Variants in PRAM1 observed in about 807,000 individuals in gnomAD.
The protein encoded by PRAM1 is PML-RARA-regulated adapter molecule 1.
A neutral mutation model predicts 55.3 loss-of-function variants in PRAM1; 41 were observed. The observed-to-expected ratio is 0.74, with a 90% CI of 0.58 to 0.96. The LOEUF is 0.96. Ranked by LOEUF, PRAM1 falls within the 40% of genes least tolerant of loss-of-function variation. The probability of loss-of-function intolerance (pLI) is 0.00; values close to 1 mark genes in which losing one functional copy is unlikely to be tolerated. For missense variants in PRAM1, 898 were observed against 892.7 expected, an observed-to-expected ratio of 1.01 and a Z score of -0.08; for synonymous variants, 401 against 387.1, an observed-to-expected ratio of 1.04 and a Z score of -0.42.
chr19:8,498,584 A>G lies in PRAM1; in HGVS notation c.1224T>C (p.Pro408=). Residue 408 remains proline, a synonymous_variant, in exon 2 of 10, where the codon CCT becomes CCC. Transcript: ENST00000423345. ...GGGGTGTCCCAGCCGCTCCAAACCC[A>G]GGGCTGAGCGGGTGCCGGGAGCTGA... is the stretch of plus-strand genomic sequence containing the variant. ...AGFSSRHPLS[P]GFGAAGTPRW... 1 of 1,612,628 alleles carries G rather than the reference A, an allele frequency of 6.2e-7. No individual in the cohort carries two copies. The highest frequency in any genetic ancestry group is 1.7e-5 in the Admixed American group (1 of 59,990).
Position 8,499,093 on chromosome 19 carries a change from T to G in PRAM1, c.715A>C (p.Lys239Gln). 1.9e-6 allele frequency: 3 copies of G among 1,613,630 alleles called. No homozygotes were observed. The East Asian group carries it at 6.7e-5, about 36-fold the overall frequency. Residue 239 changes from lysine to glutamine, a missense_variant, in exon 2 of 10, where the codon AAG (lysine) becomes CAG (glutamine). Around this residue, in one of 4 missense-constraint regions of PRAM1, gnomAD observed 787 missense variants for 735.4 expected, o/e 1.07. Transcript: ENST00000423345. ...PQPQVGGLPK[K>Q]SVPQPEFSEA... ...CTGAACTCAGGCTGCGGCACGGACT[T>G]CTTAGGGAGGCCACCGACCTGAGGC... is the stretch of plus-strand genomic sequence containing the variant.
In PRAM1 at chr19:8,490,640, C is replaced by T. The variant is rs760586369; in HGVS notation, c.1860G>A (p.Glu620=). The part of the protein sequence containing the change: ...IRRGEILEVI[E]FTSNEEMLCR... ...ACAGCATCTCCTCATTGCTGGTGAA[C>T]TCGATCACCTCCAGGATCTCCCCGC... Residue 620 remains glutamate (E), a synonymous_variant, in exon 7 of 10, where the codon GAG becomes GAA. Transcript: ENST00000423345. This position sits in a 1 kb window ranked among gnomAD's most constrained non-coding sequence, Gnocchi z 7.3. 1.9e-6 allele frequency: 3 copies of T among 1,586,396 alleles called. No homozygotes were observed. The highest frequency in any genetic ancestry group is 2.3e-5 in the South Asian group (2 of 88,010).
rs761241739 is a variant in PRAM1, at chr19:8,490,468, GCACT to G, written c.1940+4_1940+7del. On this transcript the variant is annotated splice_donor_5th_base_variant and intron_variant, in intron 8 of 9. Transcript: ENST00000423345. The surrounding 1 kb of genome is among the most constrained non-coding windows in gnomAD (Gnocchi z 7.3). ...CACTCCCCCACCACGGTCAGGGCTG[GCACT>G]CACAGGGGCAGGAGCGCTGTTCTGG... is the stretch of plus-strand genomic sequence containing the variant. The G allele has an allele frequency of 2.3e-5, 37 of 1,612,830 alleles. No individual in the cohort carries two copies. In the East Asian group the frequency reaches 2.5e-4, roughly 11 times the overall value.
rs1198254709 is a variant in PRAM1, at chr19:8,493,661, A to G, written c.1577-2504T>C. The stretch of plus-strand genomic sequence containing the variant: ...CTGCAGTGGAGCTGCCACTGCTCCA[A>G]GTAAGGCAGACAGTGGGAAAGGGGA... On this transcript the variant is annotated intron_variant, in intron 4 of 9. Transcript: ENST00000423345. This position sits in a 1 kb window ranked among gnomAD's most constrained non-coding sequence, Gnocchi z 4.1. 6.6e-6 allele frequency among the ~76,000 whole-genome samples: 1 copy of G among 152,238 alleles called. No homozygotes were observed. Among genetic ancestry groups the G allele is most frequent in the Non-Finnish European group, 1.5e-5 (1 of 68,038 alleles).
chr19:8,497,870 C>CTTTTTTTTTT (rs58671333), intron 3 of PRAM1, 30 bp from the exon 4 acceptor site: 19 of 359,064 alleles, frequency 5.3e-5, no homozygotes, highest in Admixed American at 1.4e-4. Context: ...GAGGCCTCTT[C>CTTTTTTTTTT]TTTTTTTTTT....
chr19:8,496,823 G>C (rs1433608603), intron 4 of PRAM1, among the ~76,000 whole-genome samples: 1 of 151,964 alleles, frequency 6.6e-6, no homozygotes, highest in Non-Finnish European at 1.5e-5. Context: ...GGATCACGAG[G>C]TCAGGAGATC....
At position 8,498,745 on chromosome 19, in the gene PRAM1, G is replaced by C. The variant is rs200997771; in HGVS notation, c.1063C>G (p.Arg355Gly). The change falls in exon 2 of 10, where the codon CGC becomes GGC. Residue 355 changes from arginine (R) to glycine (G), a missense_variant. By Grantham distance (125) the Arg-to-Gly change is moderately radical. Around this residue, in one of 4 missense-constraint regions of PRAM1, gnomAD observed 787 missense variants for 735.4 expected, o/e 1.07. Transcript: ENST00000423345. ...LLQPERRGPP[R>G]KFSQPEPSAV... Reference sequence around the variant, plus strand: ...CTGGGCTCAGGCTGTGAGAACTTGCGGGGTGGCCCCCGGCGCTCCGGCTGC... The same window carrying C: ...CTGGGCTCAGGCTGTGAGAACTTGCCGGGTGGCCCCCGGCGCTCCGGCTGC... The C allele has an allele frequency of 4.4e-6, 7 of 1,578,676 alleles. No homozygotes were observed. The highest frequency in any genetic ancestry group is 6.0e-6 in the Non-Finnish European group (7 of 1,163,102).
At chr19:8,500,216 C>G (rs1971787608) in intron 1 of PRAM1, among the ~76,000 whole-genome samples, 1 of 150,154 alleles carries the variant, frequency 6.7e-6, no homozygotes, top group African/African-American at 2.5e-5. Flanking sequence ...CAATGATTCC[C>G]CCGACCTCGG....
At position 8,490,812 on chromosome 19, in the gene PRAM1, T is replaced by G. The variant is rs1189858356; in HGVS notation, c.1744-56A>C. On this transcript the variant is annotated intron_variant, in intron 6 of 9. Transcript: ENST00000423345. The surrounding 1 kb of genome is among the most constrained non-coding windows in gnomAD (Gnocchi z 7.3). Reference sequence around the variant, plus strand: ...GTGCTGCCGCCCTTGGGCCCCTGTCTTCTTTCTGAGCCTGGGATCGGTGGG... The same window carrying G: ...GTGCTGCCGCCCTTGGGCCCCTGTCGTCTTTCTGAGCCTGGGATCGGTGGG... 2 of 1,607,248 alleles carry G rather than the reference T, an allele frequency of 1.2e-6. No individual in the cohort carries two copies. Among genetic ancestry groups the G allele is most frequent in the Non-Finnish European group, 1.7e-6 (2 of 1,178,900 alleles).
intron 1 of PRAM1, among the ~76,000 whole-genome samples, chr19:8,500,048 A>C: frequency 6.6e-6 from 1 of 151,058 alleles, no homozygotes; most frequent in Admixed American, 6.6e-5. Flanking sequence ...CTCCAGTCCC[A>C]CTGCCCTCCC....
chr19:8,491,266 C>T, intron 4 of PRAM1, 109 bp from the exon 5 acceptor site: 1 of 1,182,806 alleles, frequency 8.5e-7, no homozygotes, highest in Non-Finnish European at 1.2e-6. Flanking sequence ...CGAAGTCTTG[C>T]TCTGTCACCC....
At chr19:8,498,199 C>A in intron 3 of PRAM1, 24 bp downstream of exon 3, 1 of 1,607,508 alleles carries the variant, frequency 6.2e-7, no homozygotes, top group Non-Finnish European at 8.5e-7. Context: ...TCCGCACCCA[C>A]CTCCGCTTCC....
rs778932106 is a variant in PRAM1, at chr19:8,491,131, C to A, written c.1603G>T (p.Ala535Ser). The part of the protein sequence containing the change: ...RDEAPSVQQA[A>S]RRPPQDPALR... ...GCTGGGTCTTGTGGTGGCCTCCTGG[C>A]GGCTTGCTGAACTGAGGGCGCTTCA... Residue 535 changes from alanine (A) to serine (S), a missense_variant, in exon 5 of 10, where the codon GCC becomes TCC. This residue lies in a region of PRAM1 where 787 missense variants were observed against 735.4 expected (regional missense o/e 1.07). Coordinates refer to ENST00000423345, the MANE Select transcript of PRAM1 (RefSeq NM_032152.5). 3 of 1,611,638 alleles carry A rather than the reference C, an allele frequency of 1.9e-6. No homozygotes were observed. The highest frequency in any genetic ancestry group is 2.2e-5 in the South Asian group (2 of 91,068).
rs751216829 is a variant in PRAM1, at chr19:8,498,766, G to C, written c.1042C>G (p.Pro348Ala). ...FNSLPRKLLQ[P>A]ERRGPPRKFS... is the part of the protein sequence containing the mutation. ...TTGCGGGGTGGCCCCCGGCGCTCCG[G>C]CTGCAGCAGCTTCCTGGGGAGTGAG... The change falls in exon 2 of 10, where the codon CCG (proline) becomes GCG (alanine). Residue 348 changes from proline to alanine, a missense_variant. By Grantham distance (27) the Pro-to-Ala change is conservative. This residue lies in a region of PRAM1 where 787 missense variants were observed against 735.4 expected (regional missense o/e 1.07). Transcript: ENST00000423345. The C allele has an allele frequency of 1.9e-6, 3 of 1,572,936 alleles. No homozygotes were observed. The South Asian group carries it at 3.5e-5, about 18-fold the overall frequency.
chr19:8,500,885 C>T (rs1971797169), intron 1 of PRAM1, among the ~76,000 whole-genome samples: 1 of 152,098 alleles, frequency 6.6e-6, no homozygotes, highest in Non-Finnish European at 1.5e-5. Context: ...CGTGCCTCAG[C>T]CGCCCAAGTA....
rs760854878 is a variant in PRAM1 at position 8,490,166 on chromosome 19, T to G, written c.*23A>C. The G allele has an allele frequency of 3.9e-5, 60 of 1,544,484 alleles. No homozygotes were observed. Among genetic ancestry groups the G allele is most frequent in the East Asian group, 9.3e-5 (4 of 43,224 alleles). On this transcript the variant is annotated 3_prime_UTR_variant, in exon 10 of 10. Coordinates refer to ENST00000423345, the MANE Select transcript of PRAM1 (RefSeq NM_032152.5). The surrounding 1 kb of genome is among the most constrained non-coding windows in gnomAD (Gnocchi z 7.3). ...GAGCGGGCGCTGGGCTGGCTGGCTG[T>G]CCTGGCCCCACGCCTACCGGTCTTA...
intron 3 of PRAM1, among the ~76,000 whole-genome samples, 181 bp downstream of exon 3, chr19:8,498,042 G>C (rs1313128932): frequency 1.3e-5 from 2 of 151,558 alleles, no homozygotes; most frequent in Admixed American, 1.3e-4. Context: ...CCACCACACC[G>C]GGCTAATTTT....
In PRAM1 at chr19:8,499,051, G is replaced by T. The variant is rs200322895; in HGVS notation, c.757C>A (p.Pro253Thr). The T allele has an allele frequency of 6.2e-7, 1 of 1,613,654 alleles. No homozygotes were observed. The highest frequency in any genetic ancestry group is 8.5e-7 in the Non-Finnish European group (1 of 1,179,814). Residue 253 changes from proline (P) to threonine (T), a missense_variant, in exon 2 of 10, where the codon CCC becomes ACC. Coordinates refer to ENST00000423345, the MANE Select transcript of PRAM1 (RefSeq NM_032152.5). Reference protein sequence around the residue: ...QPEFSEAAQTPLWKPQSSEPK... With the variant: ...QPEFSEAAQTTLWKPQSSEPK... ...TCGCTGGACTGAGGCTTCCAGAGGG[G>T]AGTCTGAGCGGCCTCGCTGAACTCA...
At position 8,490,451 on chromosome 19, in the gene PRAM1, C is replaced by A. The variant is rs909694022; in HGVS notation, c.1940+25G>T. 2.9e-5 allele frequency: 46 copies of A among 1,613,056 alleles called. No individual in the cohort carries two copies. Among genetic ancestry groups the A allele is most frequent in the Non-Finnish European group, 3.8e-5 (45 of 1,179,620 alleles). On this transcript the variant is annotated intron_variant, in intron 8 of 9. Coordinates refer to ENST00000423345, the MANE Select transcript of PRAM1 (RefSeq NM_032152.5). The surrounding 1 kb of genome is among the most constrained non-coding windows in gnomAD (Gnocchi z 7.3). ...CTGCACCACACACCCCGCACTCCCC[C>A]ACCACGGTCAGGGCTGGCACTCACA...
Sources: gnomAD v4.1 joint callset for allele counts (sites outside exome capture counted in the v4.1 genomes callset) on GRCh38, gnomAD v4.1.1 for gene constraint, gnomAD v4.1.1 regional missense constraint, Gnocchi (gnomAD v3.1) non-coding constraint, MANE v1.5 for transcripts, NCBI Gene and HGNC (gene_info 2026-07-23, HGNC 2026-07-21) for gene names.